INPP5D: variants seen among roughly 807,000 people sequenced by gnomAD.
INPP5D encodes phosphatidylinositol 3,4,5-trisphosphate 5-phosphatase 1.
In INPP5D, 33 loss-of-function variants were observed where a neutral mutation model predicts 122.9. The ratio of observed to expected loss-of-function variants is 0.27; its 90% CI spans 0.20 to 0.36. The LOEUF is 0.36. Ranked by LOEUF, INPP5D falls within the 10% of genes least tolerant of loss-of-function variation. The pLI is 1.00. For synonymous variants in INPP5D, 584 were observed against 576.2 expected, an observed-to-expected ratio of 1.01 and a Z score of -0.19; for missense variants, 1,053 against 1,412.7, an observed-to-expected ratio of 0.75 and a Z score of 4.08.
rs1454380749 is a variant in INPP5D at position 233,207,255 on chromosome 2, G to T, written c.*547G>T. The stretch of plus-strand genomic sequence containing the variant: ...CATTAAGAAGCCCAGTGCCCTCCTG[G>T]AGTGAGACAAGGGCTCGGCCTTAAG... On this transcript the variant is annotated 3_prime_UTR_variant, in exon 27 of 27. Coordinates refer to ENST00000445964, the MANE Select transcript of INPP5D (RefSeq NM_001017915.3). This position sits in a 1 kb window ranked among gnomAD's most constrained non-coding sequence, Gnocchi z 4.6. 1 of 153,146 alleles carries T rather than the reference G, an allele frequency of 6.5e-6. No homozygotes were observed. Among genetic ancestry groups the T allele is most frequent in the Non-Finnish European group, 1.5e-5 (1 of 68,360 alleles). 9.5% of individuals were successfully genotyped at this position (153,146 alleles called of 1,614,324 possible). A position where few individuals can be genotyped will look rare whatever the true frequency, so the allele number is the denominator to read the frequency against.
rs1694668371 is a variant in INPP5D at position 233,177,425 on chromosome 2, A to G, written c.2071+79A>G. On this transcript the variant is annotated intron_variant, in intron 18 of 26. Coordinates refer to ENST00000445964, the MANE Select transcript of INPP5D (RefSeq NM_001017915.3). This position sits in a 1 kb window ranked among gnomAD's most constrained non-coding sequence, Gnocchi z 4.2. ...GGGAGGTGTGACTGCCCTAAAATCT[A>G]AGGGCTTCAGTCTGTTGATGTGTCA... 1 of 1,607,904 alleles carries G rather than the reference A, an allele frequency of 6.2e-7. No individual in the cohort carries two copies. The highest frequency in any genetic ancestry group is 1.7e-4 in the Middle Eastern group (1 of 6,036).
chr2:233,198,436 G>A, intron 25 of INPP5D, 60 bp downstream of exon 25: 1 of 1,542,282 alleles, frequency 6.5e-7, no homozygotes, highest in Non-Finnish European at 8.7e-7. Context: ...CCTGGGCTTT[G>A]GGCTTTCACC....
intron 1 of INPP5D, among the ~76,000 whole-genome samples, chr2:233,068,807 G>C (rs1032487037): frequency 2.6e-5 from 4 of 152,206 alleles, no homozygotes; most frequent in African/African-American, 9.7e-5. Flanking sequence ...CACTCAGAGA[G>C]ATGGAAGCAG....
intron 2 of INPP5D, among the ~76,000 whole-genome samples, chr2:233,090,030 C>T (rs1453702334): frequency 6.6e-6 from 1 of 152,300 alleles, no homozygotes; most frequent in East Asian, 1.9e-4. Flanking sequence ...GGGTGGTAGG[C>T]GACCCGGTGT....
At position 233,204,361 on chromosome 2, in the gene INPP5D, G is replaced by C; in HGVS notation, c.3211G>C (p.Gly1071Arg). The C allele has an allele frequency of 6.2e-7, 1 of 1,610,246 alleles. No individual in the cohort carries two copies. The highest frequency in any genetic ancestry group is 8.5e-7 in the Non-Finnish European group (1 of 1,178,276). Residue 1071 changes from glycine to arginine, a missense_variant, in exon 26 of 27, where the codon GGC (glycine) becomes CGC (arginine). Physicochemically the swap from Gly to Arg is moderately radical, Grantham distance 125. This residue lies in a region of INPP5D where 417 missense variants were observed against 425.8 expected (regional missense o/e 0.98). Coordinates refer to ENST00000445964, the MANE Select transcript of INPP5D (RefSeq NM_001017915.3). Reference sequence around the variant, plus strand: ...CACCAAAGCCCAGGAGGCTGATCGCGGCGAGGGGCCCGGCAAGCAGGTGCC... The same window carrying C: ...CACCAAAGCCCAGGAGGCTGATCGCCGCGAGGGGCCCGGCAAGCAGGTGCC... ...VLTKAQEADR[G>R]EGPGKQVPAP...
chr2:233,162,092 A>G (rs1011918847), intron 11 of INPP5D, among the ~76,000 whole-genome samples: 2 of 152,136 alleles, frequency 1.3e-5, no homozygotes, highest in African/African-American at 4.8e-5. Flanking sequence ...TCTAAATTGG[A>G]AAGTTTTAGG....
In INPP5D at chr2:233,170,444, G is replaced by A. The variant is rs918480524; in HGVS notation, c.1792-52G>A. The A allele has an allele frequency of 6.2e-7, 1 of 1,611,282 alleles. No homozygotes were observed. The highest frequency in any genetic ancestry group is 8.5e-7 in the Non-Finnish European group (1 of 1,178,690). On this transcript the variant is annotated intron_variant, in intron 15 of 26. Coordinates refer to ENST00000445964, the MANE Select transcript of INPP5D (RefSeq NM_001017915.3). The surrounding 1 kb of genome is among the most constrained non-coding windows in gnomAD (Gnocchi z 4.5). ...CGCCCCCAGCCCCGAAGCTTGTCAG[G>A]CCTGGATCAGCAGGGCTTCTCACCA... is the stretch of plus-strand genomic sequence containing the variant.
intron 2 of INPP5D, among the ~76,000 whole-genome samples, chr2:233,103,059 A>T (rs9288683): frequency 6.6e-6 from 1 of 152,096 alleles, no homozygotes; most frequent in Admixed American, 6.5e-5. Context: ...AAATTGACTG[A>T]AGTCATATCA....
rs578069550 is a variant in INPP5D at position 233,070,895 on chromosome 2, T to G, written c.135-8440T>G. Among the ~76,000 whole-genome samples, 8 of 152,308 alleles carry G rather than the reference T, an allele frequency of 5.3e-5. No homozygotes were observed. The South Asian group carries it at 1.7e-3, about 32-fold the overall frequency. On this transcript the variant is annotated intron_variant, in intron 1 of 26. Coordinates refer to ENST00000445964, the MANE Select transcript of INPP5D (RefSeq NM_001017915.3). ...ACTTGGTAAAAACAAATGAAGCAGT[T>G]ATGGGTTTTTTACTTTTGTTTTTGT...
At chr2:233,165,604 ATC>A (rs1045876837) in intron 13 of INPP5D, among the ~76,000 whole-genome samples, 24 of 134,186 alleles carry the variant, frequency 1.8e-4, no homozygotes, top group African/African-American at 6.8e-4. Context: ...GTTTATGTGC[ATC>A]TGTGTGTGAG....
At chr2:233,121,996 G>A in intron 2 of INPP5D, 111 bp from the exon 3 acceptor site, 5 of 1,264,224 alleles carry the variant, frequency 4.0e-6, no homozygotes, top group Non-Finnish European at 5.6e-6. Flanking sequence ...GGCTTTTCCT[G>A]GATCGCAGTC....
intron 22 of INPP5D, among the ~76,000 whole-genome samples, chr2:233,192,550 C>A (rs894008192): frequency 6.6e-6 from 1 of 152,150 alleles, no homozygotes; most frequent in African/African-American, 2.4e-5. Context: ...ATTCTCCTGC[C>A]CCATCTTTGT....
chr2:233,080,593 G>A (rs1262572527), intron 2 of INPP5D, among the ~76,000 whole-genome samples: 2 of 152,178 alleles, frequency 1.3e-5, no homozygotes, highest in African/African-American at 4.8e-5. Flanking sequence ...GAGCAATGAC[G>A]GCGTTGGAGG....
chr2:233,061,571 C>A (rs1319843427), intron 1 of INPP5D, among the ~76,000 whole-genome samples: 2 of 152,192 alleles, frequency 1.3e-5, no homozygotes, highest in Non-Finnish European at 2.9e-5. Context: ...TTGTGCTTCT[C>A]CAGGCAGGAG....
At chr2:233,092,599 C>T (rs1692021599) in intron 2 of INPP5D, among the ~76,000 whole-genome samples, 3 of 152,022 alleles carry the variant, frequency 2.0e-5, no homozygotes, top group Admixed American at 2.0e-4. Context: ...AATGGAGCTG[C>T]ATGTAAATAC....
Position 233,183,163 on chromosome 2 carries a change from C to T in INPP5D, c.2161+664C>T, listed in dbSNP as rs948779678. ...TCATCCCAGCTGGGCCAGGTGTTCT[C>T]TGTAATGTGCCCATCCAGCCCTTGG... is the stretch of plus-strand genomic sequence containing the variant. On this transcript the variant is annotated intron_variant, in intron 19 of 26. Transcript: ENST00000445964. The surrounding 1 kb of genome is among the most constrained non-coding windows in gnomAD (Gnocchi z 4.6). 7.2e-5 allele frequency among the ~76,000 whole-genome samples: 11 copies of T among 152,200 alleles called. No individual in the cohort carries two copies. The highest frequency in any genetic ancestry group is 1.3e-4 in the Admixed American group (2 of 15,286).
intron 2 of INPP5D, among the ~76,000 whole-genome samples, chr2:233,110,401 T>C (rs979041625): frequency 6.6e-6 from 1 of 152,084 alleles, no homozygotes; most frequent in African/African-American, 2.4e-5. Flanking sequence ...GTTCTCATTA[T>C]GTTGCCCAGG....
At chr2:233,166,844 T>TGTG (rs1363239383) in intron 13 of INPP5D, among the ~76,000 whole-genome samples, 1 of 151,834 alleles carries the variant, frequency 6.6e-6, no homozygotes, top group Admixed American at 6.6e-5. Context: ...ATTAGTTGGA[T>TGTG]GTGGTGGTGC....
intron 19 of INPP5D, 84 bp downstream of exon 19, chr2:233,182,583 T>C: frequency 6.3e-7 from 1 of 1,581,802 alleles, no homozygotes; most frequent in Non-Finnish European, 8.6e-7. Flanking sequence ...CAGTCAGTGG[T>C]CTGCATTAGA....
Sources: gnomAD v4.1 joint callset for allele counts (sites outside exome capture counted in the v4.1 genomes callset) on GRCh38, gnomAD v4.1.1 for gene constraint, gnomAD v4.1.1 regional missense constraint, Gnocchi (gnomAD v3.1) non-coding constraint, MANE v1.5 for transcripts, NCBI Gene and HGNC (gene_info 2026-07-23, HGNC 2026-07-21) for gene names.